Variants in B3GALT5 observed in about 807,000 individuals in gnomAD.
B3GALT5 encodes the protein UDP-Gal:betaGlcNAc beta 1,3-galactosyltransferase, polypeptide 5.
For synonymous variants in B3GALT5, 156 were observed against 158.6 expected, an observed-to-expected ratio of 0.98 and a Z score of 0.12; for missense variants, 328 against 396.6, an observed-to-expected ratio of 0.83 and a Z score of 1.47.
chr21:39,660,522 G>A (rs1602306945), intron 3 of B3GALT5, 38 bp from the exon 4 acceptor site: 13 of 1,384,350 alleles, frequency 9.4e-6, no homozygotes, highest in Non-Finnish European at 1.2e-5. Flanking sequence ...ACATCCTCAT[G>A]CTTTTGAGGT....
At chr21:39,613,507 C>T (rs1307996992) in intron 1 of B3GALT5, among the ~76,000 whole-genome samples, 1 of 152,176 alleles carries the variant, frequency 6.6e-6, no homozygotes, top group African/African-American at 2.4e-5. Flanking sequence ...GGCTGATGGG[C>T]AGGATCATGA....
intron 2 of B3GALT5, among the ~76,000 whole-genome samples, chr21:39,652,958 A>G (rs2079409083): frequency 6.6e-6 from 1 of 152,236 alleles, no homozygotes; most frequent in Non-Finnish European, 1.5e-5. Flanking sequence ...TAAAAATATT[A>G]ACATGGTACA....
chr21:39,650,036 A>G (rs1365324308), intron 2 of B3GALT5, among the ~76,000 whole-genome samples: 2 of 152,078 alleles, frequency 1.3e-5, no homozygotes, highest in African/African-American at 4.8e-5. Flanking sequence ...TGAACCCCGC[A>G]AAGATTTGTC....
intron 1 of B3GALT5, among the ~76,000 whole-genome samples, chr21:39,646,063 T>G (rs773290206): frequency 6.6e-6 from 1 of 151,752 alleles, no homozygotes; most frequent in Non-Finnish European, 1.5e-5. Context: ...TTCTACATGC[T>G]TTTTAAAATT....
At chr21:39,648,818 C>T (rs772423648) in intron 2 of B3GALT5, among the ~76,000 whole-genome samples, 40 of 152,022 alleles carry the variant, frequency 2.6e-4, no homozygotes, top group Admixed American at 5.2e-4. Context: ...GTGGAGCGCT[C>T]GTGATGAGAT....
At chr21:39,629,946 G>A (rs1387438044) in intron 1 of B3GALT5, among the ~76,000 whole-genome samples, 2 of 152,170 alleles carry the variant, frequency 1.3e-5, no homozygotes, top group Non-Finnish European at 2.9e-5. Context: ...GTATTTAAAA[G>A]TGGTGCTTAT....
At chr21:39,639,456 T>C (rs55857569) in intron 1 of B3GALT5, among the ~76,000 whole-genome samples, 1,321 of 76,710 alleles carry the variant, frequency 0.017, 18 homozygotes, top group African/African-American at 0.031. Context: ...TTCTTTCTTT[T>C]TTTCTTTCTC....
At chr21:39,620,298 A>G (rs534208682) in intron 1 of B3GALT5, among the ~76,000 whole-genome samples, 1 of 152,312 alleles carries the variant, frequency 6.6e-6, no homozygotes, top group East Asian at 1.9e-4. Context: ...GACATCTCAG[A>G]AGAGTTCAGG....
chr21:39,654,614 C>T (rs2079424295), intron 2 of B3GALT5, among the ~76,000 whole-genome samples: 1 of 152,172 alleles, frequency 6.6e-6, no homozygotes, highest in African/African-American at 2.4e-5. Context: ...AATGGCGTCG[C>T]ATGCTACAGA....
At chr21:39,640,736 C>T (rs1303792159) in intron 1 of B3GALT5, among the ~76,000 whole-genome samples, 1 of 151,068 alleles carries the variant, frequency 6.6e-6, no homozygotes, top group Admixed American at 6.6e-5. Flanking sequence ...ATTGCCTTTC[C>T]AACCTGGATG....
At chr21:39,621,906 C>T in intron 1 of B3GALT5, among the ~76,000 whole-genome samples, 1 of 152,004 alleles carries the variant, frequency 6.6e-6, no homozygotes, top group Admixed American at 6.6e-5. Flanking sequence ...GTATCAATGA[C>T]TTGATAGTTA....
intron 1 of B3GALT5, among the ~76,000 whole-genome samples, chr21:39,614,551 T>G (rs1467244508): frequency 6.6e-6 from 1 of 152,182 alleles, no homozygotes; most frequent in Non-Finnish European, 1.5e-5. Flanking sequence ...GTACTTTGAA[T>G]AAACAAGGGC....
At chr21:39,643,058 A>AC (rs1344090558) in intron 1 of B3GALT5, among the ~76,000 whole-genome samples, 3 of 150,606 alleles carry the variant, frequency 2.0e-5, no homozygotes, top group Non-Finnish European at 4.4e-5. Flanking sequence ...TCTCAAAAAA[A>AC]AAAAAATTTT....
In B3GALT5 at chr21:39,642,887, A is replaced by AGAAAAG. The variant is rs68144450; in HGVS notation, c.-391-3505_-391-3504insGAAAAG. Among the ~76,000 whole-genome samples, 124 of 141,672 alleles carry AGAAAAG rather than the reference A, an allele frequency of 8.8e-4. 1 individual carries two copies. Among genetic ancestry groups the AGAAAAG allele is most frequent in the African/African-American group, 3.0e-3 (114 of 37,506 alleles). The allele number at this position is 141,672 out of a possible 152,430, so 92.9% of individuals were successfully genotyped here. A position where few individuals can be genotyped will look rare whatever the true frequency, so the allele number is the denominator to read the frequency against. On this transcript the variant is annotated intron_variant, in intron 1 of 3. Coordinates refer to ENST00000684187, the MANE Select transcript of B3GALT5 (RefSeq NM_001356336.2). ...TCCCATTGCCACAAAAAAAAAAAAA[A>AGAAAAG]AAAAGAAAAGAAAAGAAAGCTGGGC...
At chr21:39,639,731 G>A (rs1026916789) in intron 1 of B3GALT5, among the ~76,000 whole-genome samples, 1 of 151,796 alleles carries the variant, frequency 6.6e-6, no homozygotes, top group Non-Finnish European at 1.5e-5. Flanking sequence ...ACCTGCCTCG[G>A]CCTCCCAAAG....
chr21:39,637,956 A>C (rs1364564828), intron 1 of B3GALT5, among the ~76,000 whole-genome samples: 1 of 152,062 alleles, frequency 6.6e-6, no homozygotes, highest in African/African-American at 2.4e-5. Context: ...CTGTGGCTGG[A>C]TGTTTTCTGG....
intron 1 of B3GALT5, among the ~76,000 whole-genome samples, chr21:39,636,151 A>G (rs1488113558): frequency 1.3e-5 from 2 of 152,226 alleles, no homozygotes; most frequent in African/African-American, 4.8e-5. Flanking sequence ...TCATCTTTAG[A>G]GCAGGGATGG....
intron 1 of B3GALT5, among the ~76,000 whole-genome samples, chr21:39,621,081 A>G (rs34619204): frequency 0.19 from 28,598 of 152,186 alleles, 2,770 homozygotes; most frequent in South Asian, 0.22. Flanking sequence ...CCTGGGCAAC[A>G]TAGTGAGACC....
chr21:39,659,209 A>G (rs1404838608), intron 2 of B3GALT5, among the ~76,000 whole-genome samples: 1 of 152,220 alleles, frequency 6.6e-6, no homozygotes, highest in Non-Finnish European at 1.5e-5. Flanking sequence ...TGATTGTGCT[A>G]CTGTGCTCCA....
Sources: gnomAD v4.1 joint callset for allele counts (sites outside exome capture counted in the v4.1 genomes callset) on GRCh38, gnomAD v4.1.1 for gene constraint, MANE v1.5 for transcripts, NCBI Gene and HGNC (gene_info 2026-07-23, HGNC 2026-07-21) for gene names.